The following RAB3D variants were observed in gnomAD, a reference collection of about 807,000 sequenced individuals.
RAB3D encodes the protein ras-related protein Rab-3D.
A neutral mutation model predicts 19.3 loss-of-function variants in RAB3D; 17 were observed. That is an observed-to-expected ratio of 0.88 (90% CI 0.60 to 1.32). The LOEUF is 1.32. Among genes scored for constraint, RAB3D ranks in the 40% most tolerant of loss-of-function variants. The pLI, the probability that RAB3D is intolerant of heterozygous loss-of-function variation, is 0.00. For synonymous variants in RAB3D, 103 were observed against 119.9 expected, an observed-to-expected ratio of 0.86 and a Z score of 0.92; for missense variants, 223 against 299.1, an observed-to-expected ratio of 0.75 and a Z score of 1.88.
chr19:11,330,974 C>T (rs1358672179), intron 4 of RAB3D, among the ~76,000 whole-genome samples: 6 of 150,964 alleles, frequency 4.0e-5, no homozygotes, highest in African/African-American at 1.5e-4. Context: ...TATGATCGTG[C>T]CACTGCACTC....
chr19:11,331,680 T>TG (rs2080836024), intron 4 of RAB3D, among the ~76,000 whole-genome samples: 1 of 151,822 alleles, frequency 6.6e-6, no homozygotes, highest in Non-Finnish European at 1.5e-5. Flanking sequence ...TTTGTAGAGT[T>TG]GGGGTCTCAC....
chr19:11,325,457 C>T lies in RAB3D; in HGVS notation c.601G>A (p.Gly201Arg), dbSNP rs773314750. ...LEPSSSSGSN[G>R]KGPAVGDAPA... Reference sequence around the variant, plus strand: ...GCATCCCCCACGGCCGGGCCTTTCCCGTTGCTGCCTGAGCTGGAGCTGGGT... The same window carrying T: ...GCATCCCCCACGGCCGGGCCTTTCCTGTTGCTGCCTGAGCTGGAGCTGGGT... The change falls in exon 5 of 5, where the codon GGG becomes AGG. Residue 201 changes from glycine (G) to arginine (R), a missense_variant. Coordinates refer to ENST00000222120, the MANE Select transcript of RAB3D (RefSeq NM_004283.4). 34 of 1,611,454 alleles carry T rather than the reference C, an allele frequency of 2.1e-5. No individual in the cohort carries two copies. The highest frequency in any genetic ancestry group is 6.7e-5 in the East Asian group (3 of 44,874).
chr19:11,335,047 A>G (rs1321502671), intron 4 of RAB3D, among the ~76,000 whole-genome samples: 2 of 152,236 alleles, frequency 1.3e-5, no homozygotes, highest in African/African-American at 2.4e-5. Flanking sequence ...AATAAAGAAC[A>G]TCCCCATCCT....
At chr19:11,325,673 T>A in intron 4 of RAB3D, 88 bp from the exon 5 acceptor site, 1 of 1,290,124 alleles carries the variant, frequency 7.8e-7, no homozygotes, top group South Asian at 1.3e-5. Flanking sequence ...CTTCTAAGCC[T>A]AGTTCTGCTC....
chr19:11,328,645 C>CTAAA (rs1027237269), intron 4 of RAB3D, among the ~76,000 whole-genome samples: 8 of 151,722 alleles, frequency 5.3e-5, no homozygotes, highest in Admixed American at 1.3e-4. Context: ...GACTCCATCT[C>CTAAA]TAAATAAATA....
At chr19:11,336,753 G>A (rs948565568) in intron 2 of RAB3D, among the ~76,000 whole-genome samples, 8 of 151,964 alleles carry the variant, frequency 5.3e-5, no homozygotes, top group Admixed American at 3.3e-4. Context: ...GGCGGATCAC[G>A]AGGTCAGGAG....
chr19:11,324,824 G>C lies in RAB3D; in HGVS notation c.*574C>G, dbSNP rs191546333. The C allele has an allele frequency of 6.6e-6, 1 of 152,484 alleles. No homozygotes were observed. Among genetic ancestry groups the C allele is most frequent in the Admixed American group, 6.6e-5 (1 of 15,242 alleles). 9.4% of individuals were successfully genotyped at this position (152,484 alleles called of 1,614,324 possible). ...AAAGGCTGCTTCAATGCTGCTTTTC[G>C]CAAGTAGAGGGTCTGCAGGGGTCAA... On this transcript the variant is annotated 3_prime_UTR_variant, in exon 5 of 5. Coordinates refer to ENST00000222120, the MANE Select transcript of RAB3D (RefSeq NM_004283.4).
chr19:11,329,890 C>T (rs2080829814), intron 4 of RAB3D, among the ~76,000 whole-genome samples: 1 of 152,110 alleles, frequency 6.6e-6, no homozygotes, highest in African/African-American at 2.4e-5. Context: ...CCATGTTGGC[C>T]AGGCTGGTCT....
At chr19:11,329,874 G>T (rs2080829753) in intron 4 of RAB3D, among the ~76,000 whole-genome samples, 1 of 152,002 alleles carries the variant, frequency 6.6e-6, no homozygotes, top group Non-Finnish European at 1.5e-5. Context: ...TAGAGACAGG[G>T]TTTTACCATG....
intron 4 of RAB3D, among the ~76,000 whole-genome samples, chr19:11,328,417 G>A (rs1168769582): frequency 6.6e-6 from 1 of 151,290 alleles, no homozygotes; most frequent in Non-Finnish European, 1.5e-5. Flanking sequence ...TTTGGGAGAC[G>A]GAGGTGGGCG....
chr19:11,330,099 G>A lies in RAB3D; in HGVS notation c.473-4514C>T, dbSNP rs771858545. The stretch of plus-strand genomic sequence containing the variant: ...ACCTCCAAGTATTCCAGCCCATCGC[G>A]GGCGTTAACTGATTTCACCACTTCC... On this transcript the variant is annotated intron_variant, in intron 4 of 4. Coordinates refer to ENST00000222120, the MANE Select transcript of RAB3D (RefSeq NM_004283.4). Among the ~76,000 whole-genome samples the A allele has an allele frequency of 5.3e-5, 8 of 152,196 alleles. No individual in the cohort carries two copies. In the East Asian group the frequency reaches 7.7e-4, roughly 15 times the overall value.
Position 11,335,504 on chromosome 19 carries a change from G to C in RAB3D, c.415C>G (p.Leu139Val). The C allele has an allele frequency of 6.2e-7, 1 of 1,614,214 alleles. No homozygotes were observed. The highest frequency in any genetic ancestry group is 8.5e-7 in the Non-Finnish European group (1 of 1,180,048). The change falls in exon 4 of 5, where the codon CTG becomes GTG. Residue 139 changes from leucine (L) to valine (V), a missense_variant. Coordinates refer to ENST00000222120, the MANE Select transcript of RAB3D (RefSeq NM_004283.4). ...QVILVGNKCD[L>V]EDERVVPAED... ...GCAGGCACAACACGTTCGTCCTCCA[G>C]GTCACACTTGTTCCCCACCAGGATG...
At position 11,323,660 on chromosome 19, in the gene RAB3D, G is replaced by C. The variant is rs2080794481; in HGVS notation, c.*1738C>G. The stretch of plus-strand genomic sequence containing the variant: ...GGTAGCCTCTGGTATGAAGAAACCA[G>C]GGCTCCCTAGAAATAAATCTAAACT... On this transcript the variant is annotated 3_prime_UTR_variant, in exon 5 of 5. Transcript: ENST00000222120. The C allele has an allele frequency of 6.6e-6, 1 of 152,174 alleles. No individual in the cohort carries two copies. The highest frequency in any genetic ancestry group is 2.1e-4 in the South Asian group (1 of 4,832). The allele number at this position is 152,174 out of a possible 1,614,324, so 9.4% of individuals were successfully genotyped here. A position where few individuals can be genotyped will look rare whatever the true frequency, so the allele number is the denominator to read the frequency against.
chr19:11,333,730 A>C (rs2080842821), intron 4 of RAB3D, among the ~76,000 whole-genome samples: 1 of 143,460 alleles, frequency 7.0e-6, no homozygotes, highest in African/African-American at 2.6e-5. Flanking sequence ...GTCTCCCCCC[A>C]TTGCCCAGGC....
chr19:11,326,346 A>G (rs2080812858), intron 4 of RAB3D, among the ~76,000 whole-genome samples: 1 of 152,160 alleles, frequency 6.6e-6, no homozygotes, highest in Admixed American at 6.5e-5. Context: ...ACACCACTGC[A>G]CACCAGCCTG....
intron 4 of RAB3D, among the ~76,000 whole-genome samples, chr19:11,331,585 C>T (rs796937930): frequency 1.2e-4 from 19 of 152,174 alleles, no homozygotes; most frequent in African/African-American, 4.1e-4. Context: ...CTGGCTTATA[C>T]TAGTAGTCCC....
Position 11,325,052 on chromosome 19 carries a change from C to A in RAB3D, c.*346G>T. 1 of 221,342 alleles carries A rather than the reference C, an allele frequency of 4.5e-6. No homozygotes were observed. Among genetic ancestry groups the A allele is most frequent in the Non-Finnish European group, 9.3e-6 (1 of 108,080 alleles). 13.7% of individuals were successfully genotyped at this position (221,342 alleles called of 1,614,324 possible). The stretch of plus-strand genomic sequence containing the variant: ...AAGAGACCTGGAAAATGGTTCTAAG[C>A]TAGAAGGCACCACGGATGCCCCTCC... On this transcript the variant is annotated 3_prime_UTR_variant, in exon 5 of 5. Coordinates refer to ENST00000222120, the MANE Select transcript of RAB3D (RefSeq NM_004283.4).
intron 4 of RAB3D, chr19:11,326,671 A>G (rs1023918062): frequency 1.6e-5 from 10 of 634,620 alleles, no homozygotes; most frequent in Non-Finnish European, 2.5e-5. Flanking sequence ...TGGTATGAAC[A>G]TGGCTCATTG....
At chr19:11,335,970 G>A (rs781682620) in intron 2 of RAB3D, among the ~76,000 whole-genome samples, 187 bp from the exon 3 acceptor site, 4 of 152,198 alleles carry the variant, frequency 2.6e-5, no homozygotes, top group Non-Finnish European at 5.9e-5. Flanking sequence ...GATGGGGGAG[G>A]CATGGATTCA....
Sources: allele counts gnomAD v4.1 joint callset (sites outside exome capture counted in the v4.1 genomes callset), GRCh38; gene constraint gnomAD v4.1.1; transcripts MANE v1.5; gene names NCBI Gene and HGNC (gene_info 2026-07-23, HGNC 2026-07-21).